The following SNTG1 variants were observed in gnomAD, a reference collection of about 807,000 sequenced individuals.
SNTG1 encodes the protein syntrophin gamma 1.
A neutral mutation model predicts 74.7 loss-of-function variants in SNTG1; 39 were observed. That is an observed-to-expected ratio of 0.52 (90% CI 0.40 to 0.68). The LOEUF (loss-of-function observed/expected upper bound fraction) is 0.68, where lower values mean the gene tolerates loss of function less well. Ranked by LOEUF, SNTG1 falls within the 30% of genes least tolerant of loss-of-function variation. The pLI, the probability that SNTG1 is intolerant of heterozygous loss-of-function variation, is 0.00. For missense variants in SNTG1, 685 were observed against 609.5 expected (o/e 1.12, Z -1.30); for synonymous variants, 254 against 217.1 (o/e 1.17, Z -1.49).
Position 50,232,645 on chromosome 8 carries a change from C to T in SNTG1, c.-28+60010C>T, listed in dbSNP as rs535046750. Among the ~76,000 whole-genome samples, 10 of 151,224 alleles carry T rather than the reference C, an allele frequency of 6.6e-5. No homozygotes were observed. In the East Asian group the frequency reaches 1.9e-3, roughly 29 times the overall value. ...GTCTGAAGGAAGAAATAATATTGTC[C>T]CTATTTGTAGATCACATGATCACCT... On this transcript the variant is annotated intron_variant, in intron 2 of 18. Coordinates refer to ENST00000642720, the MANE Select transcript of SNTG1 (RefSeq NM_018967.5).
chr8:50,362,619 T>C (rs1222077601), intron 2 of SNTG1, among the ~76,000 whole-genome samples: 1 of 152,114 alleles, frequency 6.6e-6, no homozygotes, highest in Non-Finnish European at 1.5e-5. Flanking sequence ...ATCACATAGA[T>C]ATTAAGTAGT....
chr8:50,777,308 T>A (rs1186239132), intron 18 of SNTG1, among the ~76,000 whole-genome samples: 1 of 149,224 alleles, frequency 6.7e-6, no homozygotes, highest in Non-Finnish European at 1.5e-5. Context: ...CTTTTTTCAA[T>A]CTTTCTTACA....
chr8:50,414,385 A>G (rs1047313325), intron 4 of SNTG1, among the ~76,000 whole-genome samples: 2 of 152,198 alleles, frequency 1.3e-5, no homozygotes, highest in South Asian at 2.1e-4. Context: ...CAAGATTGGC[A>G]AGTTTCTTTA....
intron 4 of SNTG1, among the ~76,000 whole-genome samples, chr8:50,426,044 A>T (rs2093159568): frequency 6.6e-6 from 1 of 152,224 alleles, no homozygotes; most frequent in Non-Finnish European, 1.5e-5. Flanking sequence ...CAAAAATAAT[A>T]TAGAGATATA....
chr8:49,935,202 AGTGTGTGTGTGTGTGTGT>A (rs140067006), intron 1 of SNTG1, among the ~76,000 whole-genome samples: 1 of 133,884 alleles, frequency 7.5e-6, no homozygotes, highest in African/African-American at 2.8e-5. Context: ...GCCAAGCAGA[AGTGTGTGTGTGTGTGTGT>A]GTGTGTGTGT....
chr8:50,673,578 T>C (rs1028206754), intron 15 of SNTG1, among the ~76,000 whole-genome samples: 5 of 152,066 alleles, frequency 3.3e-5, no homozygotes, highest in South Asian at 4.1e-4. Context: ...ATTTTTTGGC[T>C]GGGATGATTG....
intron 10 of SNTG1, among the ~76,000 whole-genome samples, chr8:50,533,875 A>G (rs2094288636): frequency 6.6e-6 from 1 of 152,222 alleles, no homozygotes; most frequent in Non-Finnish European, 1.5e-5. Flanking sequence ...TATGAAGTGT[A>G]TTGATAAGAT....
intron 18 of SNTG1, among the ~76,000 whole-genome samples, chr8:50,775,492 C>A (rs1018469966): frequency 2.0e-5 from 3 of 151,630 alleles, no homozygotes; most frequent in East Asian, 1.9e-4. Flanking sequence ...GAAAACACAC[C>A]TTCTATGACT....
At chr8:50,276,374 TA>T (rs925874394) in intron 2 of SNTG1, among the ~76,000 whole-genome samples, 2 of 518 alleles carry the variant, frequency 3.9e-3, no homozygotes, top group African/African-American at 5.5e-3. Context: ...AAGTAAATTT[TA>T]TATATATATA....
chr8:50,106,161 A>C (rs952342756), intron 1 of SNTG1, among the ~76,000 whole-genome samples: 4 of 152,160 alleles, frequency 2.6e-5, no homozygotes, highest in African/African-American at 9.6e-5. Context: ...CAGGCTTAAC[A>C]GGAAGCATGA....
At chr8:50,065,033 GA>G (rs1182805090) in intron 1 of SNTG1, among the ~76,000 whole-genome samples, 1 of 152,046 alleles carries the variant, frequency 6.6e-6, no homozygotes, top group Non-Finnish European at 1.5e-5. Context: ...AAATGTAGAA[GA>G]AAAAATTTAA....
At chr8:50,090,899 AC>A (rs2079706527) in intron 1 of SNTG1, among the ~76,000 whole-genome samples, 1 of 152,124 alleles carries the variant, frequency 6.6e-6, no homozygotes, top group Non-Finnish European at 1.5e-5. Context: ...AATTAAGGCC[AC>A]AATGGGGCCC....
intron 13 of SNTG1, among the ~76,000 whole-genome samples, chr8:50,622,326 TACCATTTATATTACTTCCAAAC>T (rs2094928714): frequency 6.6e-6 from 1 of 152,210 alleles, no homozygotes; most frequent in African/African-American, 2.4e-5. Context: ...ATGATGCTAA[TACCATTTATATTACTTCCAAAC>T]ACCTCAACTT....
At position 50,656,990 on chromosome 8, in the gene SNTG1, A is replaced by G; in HGVS notation, c.931A>G (p.Arg311Gly). The G allele has an allele frequency of 4.4e-6, 7 of 1,586,734 alleles. No homozygotes were observed. Among genetic ancestry groups the G allele is most frequent in the Non-Finnish European group, 6.0e-6 (7 of 1,167,854 alleles). ...RVYSPTFLAL[R>G]GSCLYKFLAP... ...GTACTCCCCGACCTTCCTGGCCCTG[A>G]GGGGCTCATGTCTCTACAAGTTTCT... Residue 311 changes from arginine to glycine, a missense_variant, in exon 14 of 19, where the codon AGG becomes GGG. Coordinates refer to ENST00000642720, the MANE Select transcript of SNTG1 (RefSeq NM_018967.5).
chr8:50,103,533 G>A (rs1044068187), intron 1 of SNTG1, among the ~76,000 whole-genome samples: 22 of 151,804 alleles, frequency 1.4e-4, no homozygotes, highest in Admixed American at 3.3e-4. Flanking sequence ...TCCTCTTTTC[G>A]TAATCGAATA....
intron 9 of SNTG1, among the ~76,000 whole-genome samples, chr8:50,505,056 T>C (rs1408473101): frequency 6.6e-6 from 1 of 152,182 alleles, no homozygotes; most frequent in Non-Finnish European, 1.5e-5. Context: ...TTGACTACTT[T>C]AGACACCTTA....
At chr8:50,039,313 G>C (rs539826000) in intron 1 of SNTG1, among the ~76,000 whole-genome samples, 1 of 151,990 alleles carries the variant, frequency 6.6e-6, no homozygotes, top group South Asian at 2.1e-4. Flanking sequence ...AAAGTAGCGG[G>C]GCATGGTGGC....
At chr8:50,022,454 T>C (rs971068795) in intron 1 of SNTG1, among the ~76,000 whole-genome samples, 3 of 152,214 alleles carry the variant, frequency 2.0e-5, no homozygotes, top group African/African-American at 7.2e-5. Context: ...GCAAGTGCTA[T>C]CTAATCCTGG....
intron 4 of SNTG1, among the ~76,000 whole-genome samples, chr8:50,405,899 T>C (rs967143718): frequency 6.6e-6 from 1 of 152,018 alleles, no homozygotes; most frequent in Non-Finnish European, 1.5e-5. Context: ...TATAAGGGGG[T>C]ATTTGTGGCC....
Sources: gnomAD v4.1 joint callset for allele counts (sites outside exome capture counted in the v4.1 genomes callset) on GRCh38, gnomAD v4.1.1 for gene constraint, MANE v1.5 for transcripts, NCBI Gene and HGNC (gene_info 2026-07-23, HGNC 2026-07-21) for gene names.